The following SPICE1 variants were observed in gnomAD, a reference collection of about 807,000 sequenced individuals.
SPICE1 encodes the protein spindle and centriole-associated protein 1.
Under a neutral mutation model 102.7 loss-of-function variants are expected in SPICE1, and 75 were observed. The observed-to-expected ratio is 0.73, with a 90% CI of 0.61 to 0.88. The LOEUF (loss-of-function observed/expected upper bound fraction) is 0.88. SPICE1 is among the 40% of genes least tolerant of loss of function. SPICE1 has a pLI of 0.00. For missense variants in SPICE1, 979 were observed against 1,020.1 expected, an observed-to-expected ratio of 0.96 and a Z score of 0.55; for synonymous variants, 308 against 350.3, an observed-to-expected ratio of 0.88 and a Z score of 1.35.
intron 17 of SPICE1, 60 bp downstream of exon 17, chr3:113,446,519 GAAATCACTAA>G: frequency 9.3e-7 from 1 of 1,073,424 alleles, no homozygotes; most frequent in Non-Finnish European, 1.4e-6. Context: ...ATTAAGAATG[GAAATCACTAA>G]ATCAGCCACC....
intron 1 of SPICE1, 46 bp from the exon 2 acceptor site, chr3:113,506,651 A>C: frequency 6.7e-7 from 1 of 1,500,594 alleles, no homozygotes. Context: ...AAGAAAAAAC[A>C]ATAAGCATCA....
chr3:113,499,826 T>G (rs929900601), intron 3 of SPICE1, among the ~76,000 whole-genome samples: 2 of 152,186 alleles, frequency 1.3e-5, no homozygotes, highest in African/African-American at 2.4e-5. Context: ...AATAATAATT[T>G]CTACTACTTT....
intron 1 of SPICE1, among the ~76,000 whole-genome samples, chr3:113,513,044 G>A (rs1937250627): frequency 6.6e-6 from 1 of 152,132 alleles, no homozygotes; most frequent in African/African-American, 2.4e-5. Context: ...CAACTCCCTT[G>A]AGCAAAGCTA....
chr3:113,475,689 A>G (rs1055847081), intron 7 of SPICE1, among the ~76,000 whole-genome samples: 2 of 152,188 alleles, frequency 1.3e-5, no homozygotes, highest in Non-Finnish European at 2.9e-5. Context: ...AAAACCACAT[A>G]ATTATCTCAA....
At chr3:113,480,902 T>C (rs1238694550) in intron 7 of SPICE1, among the ~76,000 whole-genome samples, 1 of 8,244 alleles carries the variant, frequency 1.2e-4, no homozygotes, top group African/African-American at 6.8e-4. Flanking sequence ...TAACAATGAT[T>C]TTAAAAATTT....
In SPICE1 at chr3:113,514,995, T is replaced by C; in HGVS notation, c.-99A>G. ...AGGCAACAGACAGATGCCACCACCG[T>C]TCTCCCCACCCTTTTGGTAGCCCTG... is the stretch of plus-strand genomic sequence containing the variant. On this transcript the variant is annotated 5_prime_UTR_variant, in exon 1 of 18. Coordinates refer to ENST00000295872, the MANE Select transcript of SPICE1 (RefSeq NM_144718.4). The C allele has an allele frequency of 2.4e-6, 1 of 423,668 alleles. No homozygotes were observed. Among genetic ancestry groups the C allele is most frequent in the Admixed American group, 4.5e-5 (1 of 22,162 alleles). The allele number at this position is 423,668 out of a possible 1,614,324, so 26.2% of individuals were successfully genotyped here.
chr3:113,514,804 G>C, intron 1 of SPICE1, 93 bp downstream of exon 1: 1 of 1,273,110 alleles, frequency 7.9e-7, no homozygotes, highest in Non-Finnish European at 1.0e-6. Flanking sequence ...TACCAGCTCT[G>C]TGCAAAAGCT....
chr3:113,488,358 G>A (rs1576641427), intron 7 of SPICE1, among the ~76,000 whole-genome samples: 1 of 152,024 alleles, frequency 6.6e-6, no homozygotes, highest in South Asian at 2.1e-4. Context: ...AGTGCCCAAC[G>A]ACCAATGAGT....
intron 10 of SPICE1, 152 bp downstream of exon 10, chr3:113,467,987 G>T: frequency 1.1e-6 from 1 of 947,898 alleles, no homozygotes; most frequent in Non-Finnish European, 1.5e-6. Context: ...TAAAGGATAA[G>T]CCTTTACTGC....
rs917927039 is a variant in SPICE1, at chr3:113,457,089, T to C, written c.1657+47A>G. On this transcript the variant is annotated intron_variant, in intron 13 of 17. Transcript: ENST00000295872. ...TGGTGAAAGTAATACATTGCACAAA[T>C]GAAACATTAAAAAACAACTTTCATG... 12 of 1,556,096 alleles carry C rather than the reference T, an allele frequency of 7.7e-6. No homozygotes were observed. The African/African-American group carries it at 1.5e-4, about 19-fold the overall frequency.
chr3:113,501,717 AGCACTTTACACC>A (rs1265736970), intron 3 of SPICE1, among the ~76,000 whole-genome samples: 1 of 152,200 alleles, frequency 6.6e-6, no homozygotes, highest in Non-Finnish European at 1.5e-5. Flanking sequence ...ACAATGAGAC[AGCACTTTACACC>A]TACTAAGAGA....
At chr3:113,482,491 T>A (rs984433082) in intron 7 of SPICE1, among the ~76,000 whole-genome samples, 1 of 152,258 alleles carries the variant, frequency 6.6e-6, no homozygotes, top group Non-Finnish European at 1.5e-5. Context: ...TGTATGCCTA[T>A]GTCCTGAATG....
At chr3:113,458,129 C>T (rs1306331671) in intron 12 of SPICE1, among the ~76,000 whole-genome samples, 2 of 152,118 alleles carry the variant, frequency 1.3e-5, no homozygotes, top group African/African-American at 2.4e-5. Context: ...ACTTTTTCCA[C>T]AGGCAATAAC....
intron 2 of SPICE1, among the ~76,000 whole-genome samples, chr3:113,503,764 C>A (rs902058324): frequency 6.6e-6 from 1 of 151,916 alleles, no homozygotes; most frequent in African/African-American, 2.4e-5. Context: ...AAAACTCCAT[C>A]TCTACTAAAA....
chr3:113,473,973 T>A (rs191002300), intron 7 of SPICE1, among the ~76,000 whole-genome samples: 54 of 152,196 alleles, frequency 3.5e-4, no homozygotes, highest in Non-Finnish European at 6.6e-4. Flanking sequence ...AATGCTCCAA[T>A]TAAAAGGCAC....
intron 5 of SPICE1, among the ~76,000 whole-genome samples, chr3:113,493,718 A>G (rs1432610068): frequency 6.6e-6 from 1 of 152,238 alleles, no homozygotes; most frequent in Non-Finnish European, 1.5e-5. Flanking sequence ...AGTTCCTCTT[A>G]GAGAGAGACT....
At chr3:113,451,903 ACC>A (rs560669575) in intron 14 of SPICE1, among the ~76,000 whole-genome samples, 9,428 of 151,832 alleles carry the variant, frequency 0.062, 910 homozygotes, top group African/African-American at 0.21. Context: ...CCTCACCCTA[ACC>A]TTCCTCACCA....
intron 1 of SPICE1, among the ~76,000 whole-genome samples, chr3:113,508,009 G>A (rs539847401): frequency 6.6e-6 from 1 of 152,134 alleles, no homozygotes; most frequent in South Asian, 2.1e-4. Context: ...TTTCAACATG[G>A]GTGCCAAGAC....
At chr3:113,484,916 C>T (rs1936608268) in intron 7 of SPICE1, among the ~76,000 whole-genome samples, 1 of 152,096 alleles carries the variant, frequency 6.6e-6, no homozygotes, top group Admixed American at 6.6e-5. Flanking sequence ...TCCTGAATAT[C>T]CTTTTTAATT....
Sources: allele counts gnomAD v4.1 joint callset (sites outside exome capture counted in the v4.1 genomes callset), GRCh38; gene constraint gnomAD v4.1.1; transcripts MANE v1.5; gene names NCBI Gene and HGNC (gene_info 2026-07-23, HGNC 2026-07-21).